STAMBP: variants seen among roughly 807,000 people sequenced by gnomAD.
STAMBP encodes the protein STAM binding protein.
Under a neutral mutation model 50.7 loss-of-function variants are expected in STAMBP, and 31 were observed. The observed-to-expected ratio is 0.61, with a 90% confidence interval of 0.46 to 0.83. The LOEUF is 0.83. Among genes scored for constraint, STAMBP ranks in the 40% least tolerant of loss-of-function variants. The pLI is 0.00. For missense variants in STAMBP, 472 were observed against 518.9 expected (o/e 0.91, Z 0.88); for synonymous variants, 211 against 192.4 (o/e 1.10, Z -0.80).
chr2:73,858,128 G>A (rs982180664), intron 7 of STAMBP, among the ~76,000 whole-genome samples: 5 of 150,002 alleles, frequency 3.3e-5, no homozygotes, highest in Non-Finnish European at 4.4e-5. Flanking sequence ...GACTACAGGC[G>A]CGTGCCACCA....
At chr2:73,872,583 C>T (rs1679243210) in intron 10 of STAMBP, among the ~76,000 whole-genome samples, 2 of 152,202 alleles carry the variant, frequency 1.3e-5, no homozygotes, top group African/African-American at 2.4e-5. Context: ...AGTGCAAGAG[C>T]AATTCATGAT....
intron 9 of STAMBP, among the ~76,000 whole-genome samples, chr2:73,860,924 A>G (rs538537103): frequency 1.5e-4 from 23 of 152,156 alleles, no homozygotes; most frequent in Non-Finnish European, 2.6e-4. Flanking sequence ...GTTGAAGTAT[A>G]AAAAAAGGGA....
chr2:73,871,497 G>A (rs532446854), downstream of STAMBP, among the ~76,000 whole-genome samples: 2 of 150,912 alleles, frequency 1.3e-5, no homozygotes, highest in African/African-American at 2.4e-5. Context: ...GCAGTGAGCC[G>A]AGATCGCATC....
chr2:73,868,921 AAAAT>A (rs1440862254), downstream of STAMBP, among the ~76,000 whole-genome samples: 1 of 152,220 alleles, frequency 6.6e-6, no homozygotes, highest in Non-Finnish European at 1.5e-5. Flanking sequence ...TTAACATGAT[AAAAT>A]AAATCTTCTA....
At chr2:73,834,443 A>T (rs2104241609) in intron 2 of STAMBP, among the ~76,000 whole-genome samples, 1 of 151,596 alleles carries the variant, frequency 6.6e-6, no homozygotes, top group South Asian at 2.1e-4. Flanking sequence ...GAATGTTATT[A>T]AGAAAATCAT....
chr2:73,864,134 T>C lies in STAMBP; in HGVS notation c.*1875T>C, dbSNP rs973618263. On this transcript the variant is annotated 3_prime_UTR_variant, in exon 10 of 10. Coordinates refer to ENST00000394070, the MANE Select transcript of STAMBP (RefSeq NM_213622.4). ...AGGGTGGAGCCTCAGATGTTGTTTC[T>C]GCATTTGTCTTTCAAGCTGCTAGAA... The C allele has an allele frequency of 1.3e-5, 2 of 152,204 alleles. No homozygotes were observed. The highest frequency in any genetic ancestry group is 2.4e-5 in the African/African-American group (1 of 41,444). The allele number at this position is 152,204 out of a possible 1,614,324, so 9.4% of individuals were successfully genotyped here. A position where few individuals can be genotyped will look rare whatever the true frequency, so the allele number is the denominator to read the frequency against.
intron 2 of STAMBP, among the ~76,000 whole-genome samples, chr2:73,843,183 A>G (rs1675624326): frequency 7.1e-6 from 1 of 140,514 alleles, no homozygotes; most frequent in South Asian, 2.2e-4. Context: ...AAACTGTTTT[A>G]TATCTTTCTT....
chr2:73,828,993 A>G lies in STAMBP; in HGVS notation c.-530A>G, dbSNP rs1301466696. The stretch of plus-strand genomic sequence containing the variant: ...GAACCTCCGGGTGTCATCCGCGGGG[A>G]AAGGTGGGGAAGGGTCCCGGGAACG... On this transcript the variant is annotated 5_prime_UTR_variant, in exon 1 of 10. Coordinates refer to ENST00000394070, the MANE Select transcript of STAMBP (RefSeq NM_213622.4). 1 of 152,224 alleles carries G rather than the reference A, an allele frequency of 6.6e-6. No homozygotes were observed. The highest frequency in any genetic ancestry group is 1.5e-5 in the Non-Finnish European group (1 of 68,136). The allele number at this position is 152,224 out of a possible 1,614,324, so 9.4% of individuals were successfully genotyped here.
intron 2 of STAMBP, among the ~76,000 whole-genome samples, chr2:73,831,807 A>C (rs994299727): frequency 1.1e-4 from 16 of 152,166 alleles, no homozygotes; most frequent in Middle Eastern, 3.4e-3. Context: ...ATTTCATTTG[A>C]TCTTCACAGT....
intron 2 of STAMBP, among the ~76,000 whole-genome samples, chr2:73,832,081 TAACATATATA>T (rs1294870037): frequency 1.2e-5 from 1 of 85,124 alleles, no homozygotes; most frequent in African/African-American, 6.4e-5. Context: ...TTTGAGTAGG[TAACATATATA>T]TATATATATA....
intron 9 of STAMBP, 71 bp from the exon 10 acceptor site, chr2:73,862,132 A>C: frequency 7.1e-7 from 1 of 1,407,934 alleles, no homozygotes; most frequent in Non-Finnish European, 9.6e-7. Flanking sequence ...GCAAGACCCT[A>C]TATGAAGAAA....
rs557968830 is a variant in STAMBP at position 73,834,150 on chromosome 2, G to A, written c.203+3091G>A. Among the ~76,000 whole-genome samples, 9 of 142,108 alleles carry A rather than the reference G, an allele frequency of 6.3e-5. No individual in the cohort carries two copies. In the East Asian group the frequency reaches 1.9e-3, roughly 31 times the overall value. 93.2% of individuals were successfully genotyped at this position (142,108 alleles called of 152,430 possible). On this transcript the variant is annotated intron_variant, in intron 2 of 9. Transcript: ENST00000394070. The stretch of plus-strand genomic sequence containing the variant: ...TGCTTGAACTCAGGAAGTGGAGGTT[G>A]CAGTGAGCCGAGATCACGCCACTGC...
chr2:73,862,864 A>G lies in STAMBP; in HGVS notation c.*605A>G, dbSNP rs1380005486. ...ATATTTCAGGATATTTTTCCTCTAC[A>G]ATAAAGTAACAATTAACTTATGTTT... is the stretch of plus-strand genomic sequence containing the variant. On this transcript the variant is annotated 3_prime_UTR_variant, in exon 10 of 10. Transcript: ENST00000394070. 2.0e-5 allele frequency: 3 copies of G among 152,666 alleles called. No individual in the cohort carries two copies. The highest frequency in any genetic ancestry group is 4.4e-5 in the Non-Finnish European group (3 of 68,042). 9.5% of individuals were successfully genotyped at this position (152,666 alleles called of 1,614,324 possible). A position where few individuals can be genotyped will look rare whatever the true frequency, so the allele number is the denominator to read the frequency against.
At chr2:73,839,312 C>T (rs750334857) in intron 2 of STAMBP, among the ~76,000 whole-genome samples, 12 of 152,272 alleles carry the variant, frequency 7.9e-5, no homozygotes, top group African/African-American at 2.2e-4. Flanking sequence ...TCATGATGAG[C>T]GCAGACAATA....
At chr2:73,843,390 A>G (rs1573303297) in intron 2 of STAMBP, among the ~76,000 whole-genome samples, 1 of 139,642 alleles carries the variant, frequency 7.2e-6, no homozygotes. Flanking sequence ...ATGTTTTGTT[A>G]TATATGTTTG....
intron 2 of STAMBP, among the ~76,000 whole-genome samples, chr2:73,837,881 G>A (rs1309873749): frequency 6.6e-6 from 1 of 152,130 alleles, no homozygotes; most frequent in Non-Finnish European, 1.5e-5. Context: ...AGAGTCAATA[G>A]GGGAGACTTT....
rs11542501 is a variant in STAMBP at position 73,844,864 on chromosome 2, T to A, written c.255T>A (p.Ile85=). 2 of 1,613,940 alleles carry A rather than the reference T, an allele frequency of 1.2e-6. No homozygotes were observed. The highest frequency in any genetic ancestry group is 1.7e-6 in the Non-Finnish European group (2 of 1,180,008). ...ATCGAGATTACAAATCTGCTGTCAT[T>A]CCTGAAAAGAAAGACACAGTAAAGG... ...PKHRDYKSAV[I]PEKKDTVKKL... Residue 85 remains isoleucine, a synonymous_variant, in exon 3 of 10, where the codon ATT becomes ATA. Coordinates refer to ENST00000394070, the MANE Select transcript of STAMBP (RefSeq NM_213622.4).
At chr2:73,857,487 G>A (rs1428116379) in intron 7 of STAMBP, among the ~76,000 whole-genome samples, 1 of 152,146 alleles carries the variant, frequency 6.6e-6, no homozygotes, top group African/African-American at 2.4e-5. Context: ...AAGCCAGAAA[G>A]TTCCAAGCCT....
At position 73,863,825 on chromosome 2, in the gene STAMBP, C is replaced by T. The variant is rs1359928153; in HGVS notation, c.*1566C>T. 6.6e-6 allele frequency: 1 copy of T among 152,214 alleles called. No homozygotes were observed. The highest frequency in any genetic ancestry group is 1.5e-5 in the Non-Finnish European group (1 of 68,072). The allele number at this position is 152,214 out of a possible 1,614,324, so 9.4% of individuals were successfully genotyped here. A position where few individuals can be genotyped will look rare whatever the true frequency, so the allele number is the denominator to read the frequency against. On this transcript the variant is annotated 3_prime_UTR_variant, in exon 10 of 10. Coordinates refer to ENST00000394070, the MANE Select transcript of STAMBP (RefSeq NM_213622.4). ...TTCTTACCTTTTATTTCGACTGTAG[C>T]CGTTGGCTTTTACCAAGTCTCTTTG...
Sources: gnomAD v4.1 joint callset for allele counts (sites outside exome capture counted in the v4.1 genomes callset) on GRCh38, gnomAD v4.1.1 for gene constraint, MANE v1.5 for transcripts, NCBI Gene and HGNC (gene_info 2026-07-23, HGNC 2026-07-21) for gene names.